CNTN5: variants seen among roughly 807,000 people sequenced by gnomAD.
CNTN5 encodes the protein contactin-5.
Under a neutral mutation model 129.1 loss-of-function variants are expected in CNTN5, and 77 were observed. The ratio of observed to expected loss-of-function variants is 0.60; its 90% CI spans 0.50 to 0.72. The LOEUF is 0.72. CNTN5 is among the 30% of genes least tolerant of loss of function. The pLI is 0.00. For synonymous variants in CNTN5, 509 were observed against 465.6 expected (o/e 1.09, Z -1.20); for missense variants, 1,478 against 1,328.8 (o/e 1.11, Z -1.75).
At chr11:100,070,650 C>G in intron 11 of CNTN5, 90 bp downstream of exon 11, 2 of 1,235,506 alleles carry the variant, frequency 1.6e-6, no homozygotes, top group Non-Finnish European at 2.3e-6. Context: ...TATTGAAAGC[C>G]TTTTCCTGTT....
intron 13 of CNTN5, among the ~76,000 whole-genome samples, chr11:100,102,125 C>A (rs1945244138): frequency 6.6e-6 from 1 of 152,048 alleles, no homozygotes; most frequent in African/African-American, 2.4e-5. Context: ...GGTAGTTCTA[C>A]TTTTAGTTCT....
At chr11:99,353,335 A>G (rs1051060052) in intron 2 of CNTN5, among the ~76,000 whole-genome samples, 23 of 152,320 alleles carry the variant, frequency 1.5e-4, no homozygotes, top group Admixed American at 2.0e-4. Context: ...TTATTAGTAG[A>G]CTACAAAATT....
chr11:100,141,944 C>T (rs190295490), intron 13 of CNTN5, among the ~76,000 whole-genome samples: 1 of 152,078 alleles, frequency 6.6e-6, no homozygotes, highest in Non-Finnish European at 1.5e-5. Flanking sequence ...GAGCTGCCCT[C>T]AATGTGGATG....
intron 3 of CNTN5, among the ~76,000 whole-genome samples, chr11:99,762,585 G>C (rs965563712): frequency 6.6e-6 from 1 of 151,892 alleles, no homozygotes; most frequent in African/African-American, 2.4e-5. Flanking sequence ...TAGATATGCG[G>C]CGTTATTTCT....
At chr11:99,935,571 T>C (rs1950298419) in intron 7 of CNTN5, among the ~76,000 whole-genome samples, 1 of 152,066 alleles carries the variant, frequency 6.6e-6, no homozygotes, top group Non-Finnish European at 1.5e-5. Flanking sequence ...TGTGTGTGTG[T>C]ATGTATGTAT....
At chr11:100,242,305 T>C (rs185349669) in intron 16 of CNTN5, among the ~76,000 whole-genome samples, 1 of 152,198 alleles carries the variant, frequency 6.6e-6, no homozygotes, top group Non-Finnish European at 1.5e-5. Context: ...TGCCTACCTC[T>C]TCCCCATCCA....
chr11:100,041,080 C>A (rs551205259), intron 9 of CNTN5, among the ~76,000 whole-genome samples: 1 of 152,190 alleles, frequency 6.6e-6, no homozygotes, highest in African/African-American at 2.4e-5. Flanking sequence ...ACACTAGGAG[C>A]TGTAGACTGG....
intron 1 of CNTN5, among the ~76,000 whole-genome samples, chr11:99,164,747 GAC>G (rs1860795593): frequency 6.6e-6 from 1 of 152,072 alleles, no homozygotes; most frequent in South Asian, 2.1e-4. Context: ...CATTTTTTCA[GAC>G]ACTGATTATT....
intron 1 of CNTN5, among the ~76,000 whole-genome samples, chr11:99,314,216 C>G (rs956786110): frequency 4.0e-5 from 6 of 151,872 alleles, no homozygotes; most frequent in Non-Finnish European, 8.8e-5. Flanking sequence ...ATTTGCTGAA[C>G]AATAATTAAT....
intron 9 of CNTN5, among the ~76,000 whole-genome samples, chr11:100,060,708 C>T (rs149787271): frequency 0.1 from 14,878 of 148,470 alleles, 826 homozygotes; most frequent in Middle Eastern, 0.25. Context: ...GGCGCGATCT[C>T]GGCTCACTGC....
At chr11:99,148,896 AT>A (rs1159970048) in intron 1 of CNTN5, among the ~76,000 whole-genome samples, 1 of 152,122 alleles carries the variant, frequency 6.6e-6, no homozygotes, top group Non-Finnish European at 1.5e-5. Flanking sequence ...GTTTTTTTAA[AT>A]ATTCACAACT....
chr11:100,191,794 T>C (rs7950284), intron 14 of CNTN5, among the ~76,000 whole-genome samples: 11,651 of 152,006 alleles, frequency 0.077, 529 homozygotes, highest in Middle Eastern at 0.19. Flanking sequence ...TTACTGCTTA[T>C]ATGTTTCCAT....
At chr11:99,844,135 T>C (rs1185338069) in intron 4 of CNTN5, among the ~76,000 whole-genome samples, 1 of 152,220 alleles carries the variant, frequency 6.6e-6, no homozygotes. Flanking sequence ...CTAACTAAAA[T>C]AGAATCGAGT....
intron 3 of CNTN5, among the ~76,000 whole-genome samples, chr11:99,685,190 A>G (rs1413671811): frequency 6.6e-6 from 1 of 151,478 alleles, no homozygotes; most frequent in Non-Finnish European, 1.5e-5. Flanking sequence ...TCAAATTTCA[A>G]GTGATTACTT....
chr11:99,040,205 G>A (rs974921212), intron 1 of CNTN5, among the ~76,000 whole-genome samples: 9 of 152,016 alleles, frequency 5.9e-5, no homozygotes, highest in Non-Finnish European at 1.2e-4. Flanking sequence ...CAAACTTTGA[G>A]ATAAAGATAG....
chr11:99,960,492 CTT>C (rs1338624371), intron 8 of CNTN5, among the ~76,000 whole-genome samples: 2 of 151,994 alleles, frequency 1.3e-5, no homozygotes, highest in African/African-American at 4.8e-5. Context: ...ATAATTATGA[CTT>C]AATATGATAT....
chr11:99,252,480 A>G (rs1173287414), intron 1 of CNTN5, among the ~76,000 whole-genome samples: 1 of 151,740 alleles, frequency 6.6e-6, no homozygotes, highest in African/African-American at 2.4e-5. Flanking sequence ...TTCCAAACCC[A>G]AATGGCTTAG....
chr11:99,842,707 T>C (rs1478625802), intron 4 of CNTN5, among the ~76,000 whole-genome samples: 2 of 152,254 alleles, frequency 1.3e-5, no homozygotes, highest in Non-Finnish European at 2.9e-5. Flanking sequence ...TTCTTAAAAT[T>C]TGATTTATAA....
At chr11:99,178,314 CCACACACACACACACACACA>C (rs71046672) in intron 1 of CNTN5, among the ~76,000 whole-genome samples, 33 of 125,556 alleles carry the variant, frequency 2.6e-4, no homozygotes, top group East Asian at 9.8e-4. Context: ...GACCTCATCT[CCACACACACACACACACACA>C]CACACACACA....
Sources: allele counts gnomAD v4.1 joint callset (sites outside exome capture counted in the v4.1 genomes callset), GRCh38; gene constraint gnomAD v4.1.1; transcripts MANE v1.5; gene names NCBI Gene and HGNC (gene_info 2026-07-23, HGNC 2026-07-21).